The following NT5E variants were observed in gnomAD, a reference collection of about 807,000 sequenced individuals.
The protein encoded by NT5E is 5'-nucleotidase.
NT5E carries 53 observed loss-of-function variants against 55.1 expected under a neutral mutation model. That is an observed-to-expected ratio of 0.96 (90% CI 0.77 to 1.21). The LOEUF (loss-of-function observed/expected upper bound fraction) is 1.21, where lower values mean the gene tolerates loss of function less well. Ranked by LOEUF, NT5E falls within the 50% of genes most tolerant of loss-of-function variation. The pLI is 0.00. For synonymous variants in NT5E, 270 were observed against 278.4 expected (o/e 0.97, Z 0.30); for missense variants, 683 against 724.3 (o/e 0.94, Z 0.65).
At chr6:85,476,500 C>T (rs569596337) in intron 3 of NT5E, among the ~76,000 whole-genome samples, 87 of 152,274 alleles carry the variant, frequency 5.7e-4, no homozygotes, top group Non-Finnish European at 1.1e-3. Flanking sequence ...CCCCTGGAGC[C>T]GCAGAGGGCA....
At chr6:85,471,516 G>A in intron 3 of NT5E, 91 bp downstream of exon 3, 1 of 940,168 alleles carries the variant, frequency 1.1e-6, no homozygotes, top group Non-Finnish European at 1.7e-6. Flanking sequence ...TCTTTTTACT[G>A]CTATTTAATA....
At chr6:85,453,408 G>A (rs745384306) in intron 1 of NT5E, among the ~76,000 whole-genome samples, 1 of 152,158 alleles carries the variant, frequency 6.6e-6, no homozygotes, top group Non-Finnish European at 1.5e-5. Flanking sequence ...GGGAAGGTTT[G>A]GGTTGTGCAT....
intron 1 of NT5E, among the ~76,000 whole-genome samples, chr6:85,452,639 G>C (rs982704618): frequency 5.9e-5 from 9 of 152,278 alleles, no homozygotes; most frequent in African/African-American, 2.2e-4. Context: ...CTTACTCTGT[G>C]CAGTTTGGGG....
At chr6:85,462,038 C>A (rs964652402) in intron 1 of NT5E, among the ~76,000 whole-genome samples, 3 of 152,116 alleles carry the variant, frequency 2.0e-5, no homozygotes, top group Non-Finnish European at 4.4e-5. Flanking sequence ...AAGCCCCATC[C>A]TCTCTCCTGC....
chr6:85,453,613 G>A (rs1347810797), intron 1 of NT5E, among the ~76,000 whole-genome samples: 3 of 152,178 alleles, frequency 2.0e-5, no homozygotes, highest in Non-Finnish European at 4.4e-5. Context: ...TGTGGGGAAG[G>A]TAGCTTTGAG....
chr6:85,483,013 C>CT (rs1213382644), intron 3 of NT5E, among the ~76,000 whole-genome samples: 1 of 152,220 alleles, frequency 6.6e-6, no homozygotes, highest in Admixed American at 6.5e-5. Flanking sequence ...TCATGAAGGT[C>CT]TTTCCAAATG....
At chr6:85,469,067 C>T (rs978117724) in intron 2 of NT5E, among the ~76,000 whole-genome samples, 7 of 152,200 alleles carry the variant, frequency 4.6e-5, no homozygotes, top group Non-Finnish European at 1.0e-4. Context: ...GCCCAGTTCT[C>T]CCAGTCCTAG....
At position 85,467,285 on chromosome 6, in the gene NT5E, A is replaced by G. The variant is rs746484054; in HGVS notation, c.562+3A>G. 6.2e-7 allele frequency: 1 copy of G among 1,612,634 alleles called. No homozygotes were observed. The highest frequency in any genetic ancestry group is 1.1e-5 in the South Asian group (1 of 91,044). ...AACCCCTTTTCTCTCAAATCCAGGT[A>G]TTTTCTACTTTTATAGCACTCAATG... On this transcript the variant is annotated splice_donor_region_variant and intron_variant, in intron 2 of 8. Coordinates refer to ENST00000257770, the MANE Select transcript of NT5E (RefSeq NM_002526.4).
At position 85,490,759 on chromosome 6, in the gene NT5E, G is replaced by A. The variant is rs989983750; in HGVS notation, c.1360+102G>A. 2.9e-6 allele frequency: 4 copies of A among 1,388,784 alleles called. No homozygotes were observed. In the African/African-American group the frequency reaches 5.7e-5, roughly 20 times the overall value. The allele number at this position is 1,388,784 out of a possible 1,614,324, so 86.0% of individuals were successfully genotyped here. On this transcript the variant is annotated intron_variant, in intron 7 of 8. Coordinates refer to ENST00000257770, the MANE Select transcript of NT5E (RefSeq NM_002526.4). ...CACCAAAATTCCTGTGGTCAAACTG[G>A]TTTGGATTTTTCCCGACCCAACACC...
chr6:85,476,825 T>C (rs969109853), intron 3 of NT5E, among the ~76,000 whole-genome samples: 4 of 152,134 alleles, frequency 2.6e-5, no homozygotes, highest in Non-Finnish European at 4.4e-5. Context: ...TTCACCAGTG[T>C]CAAGCTTCTT....
At chr6:85,463,367 C>A (rs2127755622) in intron 1 of NT5E, among the ~76,000 whole-genome samples, 1 of 152,156 alleles carries the variant, frequency 6.6e-6, no homozygotes, top group South Asian at 2.1e-4. Flanking sequence ...AGCAACAGAA[C>A]AAGAGAGAAA....
intron 3 of NT5E, among the ~76,000 whole-genome samples, chr6:85,477,196 C>T (rs991636954): frequency 2.0e-5 from 3 of 152,174 alleles, no homozygotes. Flanking sequence ...CTTCACTTCT[C>T]TCCTTGCTAG....
At chr6:85,481,795 G>A (rs141128462) in intron 3 of NT5E, among the ~76,000 whole-genome samples, 39 of 152,284 alleles carry the variant, frequency 2.6e-4, no homozygotes, top group African/African-American at 8.7e-4. Context: ...AACTGTTAAT[G>A]TTTTTGAAAT....
intron 3 of NT5E, among the ~76,000 whole-genome samples, chr6:85,475,581 G>A (rs1161948848): frequency 1.3e-5 from 2 of 152,174 alleles, no homozygotes; most frequent in Non-Finnish European, 2.9e-5. Context: ...CTAGAGTCAC[G>A]AACTGGTCCA....
chr6:85,459,602 T>TCC (rs1769052264), intron 1 of NT5E, among the ~76,000 whole-genome samples: 1 of 152,210 alleles, frequency 6.6e-6, no homozygotes, highest in African/African-American at 2.4e-5. Flanking sequence ...AGCCCAGTAT[T>TCC]TTTGAAACCC....
In NT5E at chr6:85,485,918, A is replaced by G. The variant is rs1010724481; in HGVS notation, c.949+486A>G. Reference sequence around the variant, plus strand: ...GATCTGGCCAGCAGCCCGCAATGCAATGGGGCTCTCTCTTTGTTCCTAGGC... The same window carrying G: ...GATCTGGCCAGCAGCCCGCAATGCAGTGGGGCTCTCTCTTTGTTCCTAGGC... On this transcript the variant is annotated intron_variant, in intron 4 of 8. Transcript: ENST00000257770. Among the ~76,000 whole-genome samples, 13 of 152,302 alleles carry G rather than the reference A, an allele frequency of 8.5e-5. No individual in the cohort carries two copies. The East Asian group carries it at 1.2e-3, about 14-fold the overall frequency.
In NT5E at chr6:85,490,621, T is replaced by A. The variant is rs1473048115; in HGVS notation, c.1324T>A (p.Tyr442Asn). Residue 442 changes from tyrosine (Y) to asparagine (N), a missense_variant, in exon 7 of 9, where the codon TAC (tyrosine) becomes AAC (asparagine). Coordinates refer to ENST00000257770, the MANE Select transcript of NT5E (RefSeq NM_002526.4). ...GGCCTTTGAGCATAGCGTGCACCGCTACGGCCAGTCCACTGGAGAGTTCCT... is the reference window on the plus strand; with the variant it reads ...GGCCTTTGAGCATAGCGTGCACCGCAACGGCCAGTCCACTGGAGAGTTCCT... ...KKAFEHSVHR[Y>N]GQSTGEFLQV... The A allele has an allele frequency of 1.9e-6, 3 of 1,614,204 alleles. No homozygotes were observed. Among genetic ancestry groups the A allele is most frequent in the Non-Finnish European group, 2.5e-6 (3 of 1,180,018 alleles).
chr6:85,482,773 C>T (rs1375166927), intron 3 of NT5E, among the ~76,000 whole-genome samples: 8 of 152,218 alleles, frequency 5.3e-5, no homozygotes, highest in Non-Finnish European at 1.2e-4. Flanking sequence ...ATTCTGGGCA[C>T]GAACATCTTC....
chr6:85,452,812 CT>C (rs1171661468), intron 1 of NT5E, among the ~76,000 whole-genome samples: 1 of 152,158 alleles, frequency 6.6e-6, no homozygotes, highest in Non-Finnish European at 1.5e-5. Context: ...ATAAACGTTC[CT>C]CCACTGTAAC....
Sources: allele counts gnomAD v4.1 joint callset (sites outside exome capture counted in the v4.1 genomes callset), GRCh38; gene constraint gnomAD v4.1.1; transcripts MANE v1.5; gene names NCBI Gene and HGNC (gene_info 2026-07-23, HGNC 2026-07-21).